KPNA6: variants seen among roughly 807,000 people sequenced by gnomAD.
KPNA6 encodes the protein karyopherin subunit alpha 6, also known as importin subunit alpha-7.
In KPNA6, 9 loss-of-function variants were observed where a neutral mutation model predicts 72.0. That is an observed-to-expected ratio of 0.13 (90% CI 0.08 to 0.22). KPNA6 has a LOEUF of 0.22. Ranked by LOEUF, KPNA6 falls within the 10% of genes least tolerant of loss-of-function variation. The pLI, the probability that KPNA6 is intolerant of heterozygous loss-of-function variation, is 1.00. For synonymous variants in KPNA6, 219 were observed against 242.1 expected, an observed-to-expected ratio of 0.90 and a Z score of 0.89; for missense variants, 374 against 655.7, an observed-to-expected ratio of 0.57 and a Z score of 4.69.
chr1:32,162,166 T>TGAAGTAGATGA, intron 8 of KPNA6, 120 bp downstream of exon 8: 1 of 923,062 alleles, frequency 1.1e-6, no homozygotes. Context: ...CAATTGTTAG[T>TGAAGTAGATGA]GAAGTAGATG....
chr1:32,109,505 C>G (rs1359823689), intron 1 of KPNA6, among the ~76,000 whole-genome samples: 6 of 151,758 alleles, frequency 4.0e-5, no homozygotes, highest in African/African-American at 1.5e-4. Flanking sequence ...TTTAAATGAC[C>G]TGGCCCTCTA....
At chr1:32,117,880 C>G (rs1287561670) in intron 1 of KPNA6, among the ~76,000 whole-genome samples, 1 of 151,826 alleles carries the variant, frequency 6.6e-6, no homozygotes, top group African/African-American at 2.4e-5. Flanking sequence ...AAAGCAATCT[C>G]TTCCCCACCC....
At chr1:32,126,763 GT>G (rs1280526850) in intron 1 of KPNA6, among the ~76,000 whole-genome samples, 1 of 152,178 alleles carries the variant, frequency 6.6e-6, no homozygotes, top group East Asian at 1.9e-4. Flanking sequence ...TTGAGGTGAA[GT>G]AAAGGGGGAA....
intron 1 of KPNA6, among the ~76,000 whole-genome samples, chr1:32,131,688 G>GTATA (rs754820964): frequency 1.4e-5 from 2 of 147,664 alleles, no homozygotes; most frequent in African/African-American, 2.5e-5. Context: ...GTGTGCGTGT[G>GTATA]TATATATATA....
intron 1 of KPNA6, among the ~76,000 whole-genome samples, chr1:32,121,366 T>A (rs1477917349): frequency 6.6e-6 from 1 of 151,954 alleles, no homozygotes; most frequent in East Asian, 1.9e-4. Context: ...GAGAGCAGAG[T>A]GGATAGTGAT....
intron 1 of KPNA6, among the ~76,000 whole-genome samples, chr1:32,135,021 T>G (rs1316699439): frequency 6.6e-6 from 1 of 151,930 alleles, no homozygotes; most frequent in African/African-American, 2.4e-5. Flanking sequence ...TTTTCCTGCC[T>G]CAGCCTCCTG....
chr1:32,173,663 A>C lies in KPNA6; in HGVS notation c.*2769A>C, dbSNP rs914009894. The C allele has an allele frequency of 4.6e-5, 7 of 152,176 alleles. No homozygotes were observed. The highest frequency in any genetic ancestry group is 1.7e-4 in the African/African-American group (7 of 41,432). The allele number at this position is 152,176 out of a possible 1,614,324, so 9.4% of individuals were successfully genotyped here. ...CTCCTTTGGCCATGTAATGAAGCAA[A>C]ATATTATTTATTTAGCCCAGGCTTG... is the stretch of plus-strand genomic sequence containing the variant. On this transcript the variant is annotated 3_prime_UTR_variant, in exon 14 of 14. Transcript: ENST00000373625.
chr1:32,162,790 G>A (rs1298279565), intron 9 of KPNA6, among the ~76,000 whole-genome samples: 2 of 151,596 alleles, frequency 1.3e-5, no homozygotes, highest in Non-Finnish European at 2.9e-5. Context: ...AGCCGAGATC[G>A]TGCCATTGCA....
Position 32,155,915 on chromosome 1 carries a change from A to ATTTTT in KPNA6, c.139-920_139-916dup, listed in dbSNP as rs747284319. ...CACCACGCCCGGCTAATTTTTGTGG[A>ATTTTT]TTTTTTTTTTTTTTTTTTTTTTGTA... On this transcript the variant is annotated intron_variant, in intron 2 of 13. Transcript: ENST00000373625. 5.2e-4 allele frequency among the ~76,000 whole-genome samples: 55 copies of ATTTTT among 105,040 alleles called. 1 individual carries two copies. Among genetic ancestry groups the ATTTTT allele is most frequent in the South Asian group, 1.7e-3 (5 of 2,924 alleles). 68.9% of individuals were successfully genotyped at this position (105,040 alleles called of 152,430 possible).
At chr1:32,156,127 G>A (rs1570055545) in intron 2 of KPNA6, among the ~76,000 whole-genome samples, 1 of 151,050 alleles carries the variant, frequency 6.6e-6, no homozygotes, top group Admixed American at 6.6e-5. Context: ...TTTTAAGACA[G>A]GATCTTGCCC....
At chr1:32,120,674 C>T (rs576542758) in intron 1 of KPNA6, among the ~76,000 whole-genome samples, 166 of 148,410 alleles carry the variant, frequency 1.1e-3, no homozygotes, top group African/African-American at 4.0e-3. Flanking sequence ...TCAAGAGATT[C>T]TCCTGCCTCA....
intron 1 of KPNA6, among the ~76,000 whole-genome samples, chr1:32,146,215 G>T (rs1215869182): frequency 3.3e-5 from 5 of 152,166 alleles, no homozygotes; most frequent in African/African-American, 1.2e-4. Context: ...CCAAATATCT[G>T]TAGGCCACAG....
At position 32,159,391 on chromosome 1, in the gene KPNA6, C is replaced by T. The variant is rs375059580; in HGVS notation, c.427-9C>T. ...TGACCTTTCAATCATTGCTTAATCT[C>T]ACTTTCAGTTTGAAGCTGCCTGGGC... On this transcript the variant is annotated splice_polypyrimidine_tract_variant and intron_variant, in intron 5 of 13. Coordinates refer to ENST00000373625, the MANE Select transcript of KPNA6 (RefSeq NM_012316.5). 10 of 1,613,562 alleles carry T rather than the reference C, an allele frequency of 6.2e-6. No homozygotes were observed. The highest frequency in any genetic ancestry group is 1.3e-5 in the African/African-American group (1 of 74,892).
In KPNA6 at chr1:32,116,195, T is replaced by C. The variant is rs946945731; in HGVS notation, c.4+8061T>C. On this transcript the variant is annotated intron_variant, in intron 1 of 13. Coordinates refer to ENST00000373625, the MANE Select transcript of KPNA6 (RefSeq NM_012316.5). The stretch of plus-strand genomic sequence containing the variant: ...CTGTTTTTTCTTTTCTTTTCTTTTT[T>C]TTTTTTTTGAGACAGAGGCTGGAGT... Among the ~76,000 whole-genome samples the C allele has an allele frequency of 5.3e-5, 8 of 151,218 alleles. No homozygotes were observed. The East Asian group carries it at 7.9e-4, about 15-fold the overall frequency.
intron 1 of KPNA6, among the ~76,000 whole-genome samples, chr1:32,121,830 G>A (rs1429336695): frequency 6.6e-6 from 1 of 151,374 alleles, no homozygotes; most frequent in Non-Finnish European, 1.5e-5. Flanking sequence ...AAAGTTAACC[G>A]GGCGTGGTGG....
At position 32,161,958 on chromosome 1, in the gene KPNA6, A is replaced by C; in HGVS notation, c.659A>C (p.Lys220Thr). ...GCTGTTTCCTTCAGACTCCTTACCA[A>C]GTCCACACGACTGACGATGACACGG... ...ILNPLLTLLTKSTRLTMTRNA... is the reference protein window; with the variant it reads ...ILNPLLTLLTTSTRLTMTRNA... The change falls in exon 8 of 14, where the codon AAG becomes ACG. Residue 220 changes from lysine (K) to threonine (T), a missense_variant. Lys to Thr is a moderately conservative substitution (Grantham distance 78). Coordinates refer to ENST00000373625, the MANE Select transcript of KPNA6 (RefSeq NM_012316.5). 1 of 1,613,994 alleles carries C rather than the reference A, an allele frequency of 6.2e-7. No individual in the cohort carries two copies. The highest frequency in any genetic ancestry group is 2.2e-5 in the East Asian group (1 of 44,880).
At chr1:32,138,344 G>C (rs1374418478) in intron 1 of KPNA6, among the ~76,000 whole-genome samples, 1 of 151,712 alleles carries the variant, frequency 6.6e-6, no homozygotes, top group African/African-American at 2.4e-5. Context: ...CAGGAGTCGA[G>C]ACCAGCCTGA....
At chr1:32,114,839 G>A (rs1489546090) in intron 1 of KPNA6, among the ~76,000 whole-genome samples, 1 of 152,146 alleles carries the variant, frequency 6.6e-6, no homozygotes, top group African/African-American at 2.4e-5. Context: ...AGCACATGCT[G>A]CTTCACCTTG....
At chr1:32,166,258 A>G (rs1204364080) in intron 11 of KPNA6, 28 bp downstream of exon 11, 3 of 1,599,856 alleles carry the variant, frequency 1.9e-6, no homozygotes, top group South Asian at 2.3e-5. Context: ...GTCAAGGGGC[A>G]TGGGAAGTCA....
Sources: gnomAD v4.1 joint callset for allele counts (sites outside exome capture counted in the v4.1 genomes callset) on GRCh38, gnomAD v4.1.1 for gene constraint, MANE v1.5 for transcripts, NCBI Gene and HGNC (gene_info 2026-07-23, HGNC 2026-07-21) for gene names.